Variants in RYR2 observed in about 807,000 individuals in gnomAD.
The protein encoded by RYR2 is cardiac muscle ryanodine receptor-calcium release channel.
Under a neutral mutation model 601.1 loss-of-function variants are expected in RYR2, and 227 were observed. That is an observed-to-expected ratio of 0.38 (90% confidence interval 0.34 to 0.42). The LOEUF (loss-of-function observed/expected upper bound fraction) is 0.42, where lower values mean the gene tolerates loss of function less well. Ranked by LOEUF, RYR2 falls within the 10% of genes least tolerant of loss-of-function variation. RYR2 has a pLI of 1.00. For missense variants in RYR2, 4,646 were observed against 6,156.5 expected (o/e 0.75, Z 8.21); for synonymous variants, 2,223 against 2,175.1 (o/e 1.02, Z -0.61).
At chr1:237,709,997 A>T (rs1179217439) in intron 70 of RYR2, among the ~76,000 whole-genome samples, 1 of 152,204 alleles carries the variant, frequency 6.6e-6, no homozygotes, top group Non-Finnish European at 1.5e-5. Context: ...CACCTAAGGA[A>T]TTTAGTTTGG....
At chr1:237,141,116 T>C (rs1472180760) in intron 1 of RYR2, among the ~76,000 whole-genome samples, 1 of 152,252 alleles carries the variant, frequency 6.6e-6, no homozygotes. Context: ...GGAATGGAAT[T>C]GCTCAGAAAT....
chr1:237,687,383 T>TATTTCCCCC, intron 62 of RYR2, 72 bp from the exon 63 acceptor site: 1 of 684,006 alleles, frequency 1.5e-6, no homozygotes, highest in Non-Finnish European at 2.4e-6. Flanking sequence ...TTTTTTTTTT[T>TATTTCCCCC]TAATTTCCCC....
chr1:237,585,583 G>A (rs1674440364), intron 29 of RYR2, among the ~76,000 whole-genome samples: 2 of 152,184 alleles, frequency 1.3e-5, no homozygotes, highest in Non-Finnish European at 2.9e-5. Flanking sequence ...AGTTGTCCTT[G>A]CTGTGTATAG....
At chr1:237,312,930 C>T (rs995723428) in intron 2 of RYR2, among the ~76,000 whole-genome samples, 2 of 151,934 alleles carry the variant, frequency 1.3e-5, no homozygotes, top group Admixed American at 6.6e-5. Context: ...CTTTGAAGAC[C>T]ATTAAAACAA....
At chr1:237,187,584 C>G (rs540815463) in intron 1 of RYR2, among the ~76,000 whole-genome samples, 3 of 151,162 alleles carry the variant, frequency 2.0e-5, no homozygotes, top group African/African-American at 7.3e-5. Context: ...GCTGGGACTG[C>G]AGGCATGCAC....
chr1:237,204,810 C>G (rs1384727572), intron 1 of RYR2, among the ~76,000 whole-genome samples: 4 of 152,180 alleles, frequency 2.6e-5, no homozygotes, highest in Non-Finnish European at 5.9e-5. Flanking sequence ...ACGACTGAGC[C>G]CCTGGCATAT....
intron 24 of RYR2, among the ~76,000 whole-genome samples, chr1:237,515,412 A>AT (rs1395669550): frequency 1.3e-5 from 2 of 152,166 alleles, no homozygotes; most frequent in Non-Finnish European, 2.9e-5. Flanking sequence ...CTAGCCAAGT[A>AT]TTTTTCCTGA....
intron 25 of RYR2, among the ~76,000 whole-genome samples, chr1:237,541,631 C>G (rs1013242549): frequency 9.9e-5 from 15 of 152,112 alleles, no homozygotes; most frequent in Admixed American, 9.8e-4. Flanking sequence ...AGCATTAAAG[C>G]TTTTAATCAC....
At position 237,759,849 on chromosome 1, in the gene RYR2, G is replaced by T. The variant is rs1239093704; in HGVS notation, c.11399G>T (p.Cys3800Phe). 1.2e-6 allele frequency: 2 copies of T among 1,607,076 alleles called. No individual in the cohort carries two copies. Among genetic ancestry groups the T allele is most frequent in the Non-Finnish European group, 1.7e-6 (2 of 1,174,496 alleles). Residue 3800 changes from cysteine to phenylalanine, a missense_variant, in exon 83 of 105, where the codon TGT becomes TTT. Physicochemically the swap from Cys to Phe is radical, Grantham distance 205. This residue lies in a region of RYR2 where 1,497 missense variants were observed against 1,842.6 expected (regional missense o/e 0.81). Coordinates refer to ENST00000366574, the MANE Select transcript of RYR2 (RefSeq NM_001035.3). ...FQSLAGLMQS[C>F]SVLDLNAFER... Reference sequence around the variant, plus strand: ...AGCCTGGCCGGCCTGATGCAGTCATGTAGGTAAGGACTCACTTCCTTCTTG... The same window carrying T: ...AGCCTGGCCGGCCTGATGCAGTCATTTAGGTAAGGACTCACTTCCTTCTTG...
At chr1:237,525,982 A>AT (rs1394770024) in intron 24 of RYR2, among the ~76,000 whole-genome samples, 1 of 104,356 alleles carries the variant, frequency 9.6e-6, no homozygotes. Context: ...CTCCTCAAAA[A>AT]AAAAAAATAA....
chr1:237,048,333 G>A (rs1046329956), intron 1 of RYR2, among the ~76,000 whole-genome samples: 3 of 152,010 alleles, frequency 2.0e-5, no homozygotes, highest in East Asian at 1.9e-4. Flanking sequence ...ATAGCCCATC[G>A]TGTTTCTCTT....
chr1:237,577,115 CT>C lies in RYR2; in HGVS notation c.3598+7797del, dbSNP rs1441174580. Among the ~76,000 whole-genome samples the C allele has an allele frequency of 2.6e-5, 4 of 152,108 alleles. No homozygotes were observed. The South Asian group carries it at 8.3e-4, about 32-fold the overall frequency. The stretch of plus-strand genomic sequence containing the variant: ...CAGAAATTCTACTCCAGTTTTTTAG[CT>C]ACACTAGTGTGTCTCAACAGCAGGA... On this transcript the variant is annotated intron_variant, in intron 29 of 104. Coordinates refer to ENST00000366574, the MANE Select transcript of RYR2 (RefSeq NM_001035.3).
chr1:237,258,693 A>T (rs1181047863), intron 1 of RYR2, among the ~76,000 whole-genome samples: 1 of 152,204 alleles, frequency 6.6e-6, no homozygotes, highest in Non-Finnish European at 1.5e-5. Flanking sequence ...CTAAAAGTCC[A>T]GGTCACTAAA....
chr1:237,333,952 A>G (rs6429005), intron 3 of RYR2, among the ~76,000 whole-genome samples: 66,680 of 152,032 alleles, frequency 0.44, 17,174 homozygotes, highest in Admixed American at 0.6. Flanking sequence ...TTCATAATCA[A>G]CTTTCTTTAC....
chr1:237,827,627 C>CAAAAAAAA (rs55896893), intron 101 of RYR2, among the ~76,000 whole-genome samples: 1 of 79,442 alleles, frequency 1.3e-5, no homozygotes, highest in Non-Finnish European at 2.5e-5. Flanking sequence ...AAGACTGTCT[C>CAAAAAAAA]AAAAAAAAAA....
chr1:237,263,131 G>A (rs1558518134), intron 1 of RYR2, among the ~76,000 whole-genome samples: 1 of 152,118 alleles, frequency 6.6e-6, no homozygotes, highest in East Asian at 1.9e-4. Flanking sequence ...GACAGGATCG[G>A]TAATTTTCCT....
intron 2 of RYR2, among the ~76,000 whole-genome samples, chr1:237,313,945 A>C: frequency 7.3e-6 from 1 of 136,900 alleles, no homozygotes. Context: ...ACTTCCAATA[A>C]CATTTTCAGG....
intron 2 of RYR2, among the ~76,000 whole-genome samples, chr1:237,323,354 T>C (rs1330195941): frequency 1.3e-5 from 2 of 152,112 alleles, no homozygotes; most frequent in African/African-American, 4.8e-5. Flanking sequence ...TGTCTTTGAG[T>C]GGTTTGCTTG....
At chr1:237,794,472 G>A (rs1280396318) in intron 95 of RYR2, among the ~76,000 whole-genome samples, 1 of 152,184 alleles carries the variant, frequency 6.6e-6, no homozygotes, top group Non-Finnish European at 1.5e-5. Flanking sequence ...AGGACACGGT[G>A]TAAAATGTAA....
Sources: gnomAD v4.1 joint callset for allele counts (sites outside exome capture counted in the v4.1 genomes callset) on GRCh38, gnomAD v4.1.1 for gene constraint, gnomAD v4.1.1 regional missense constraint, MANE v1.5 for transcripts, NCBI Gene and HGNC (gene_info 2026-07-23, HGNC 2026-07-21) for gene names.